TMEM131: variants seen among roughly 807,000 people sequenced by gnomAD.
TMEM131 encodes 2610524E03Rik.
A neutral mutation model predicts 211.6 loss-of-function variants in TMEM131; 66 were observed. That is an observed-to-expected ratio of 0.31 (90% CI 0.26 to 0.38). The LOEUF is 0.38. Among genes scored for constraint, TMEM131 ranks in the 10% least tolerant of loss-of-function variants. The pLI, the probability that TMEM131 is intolerant of heterozygous loss-of-function variation, is 1.00. For missense variants in TMEM131, 2,036 were observed against 2,299.3 expected, an observed-to-expected ratio of 0.89 and a Z score of 2.34; for synonymous variants, 844 against 841.3, an observed-to-expected ratio of 1.00 and a Z score of -0.06.
chr2:97,846,557 C>T (rs1683440048), intron 5 of TMEM131, among the ~76,000 whole-genome samples: 1 of 152,180 alleles, frequency 6.6e-6, no homozygotes, highest in South Asian at 2.1e-4. Flanking sequence ...AGAACACCTA[C>T]AAAAACCCTA....
intron 2 of TMEM131, among the ~76,000 whole-genome samples, chr2:97,924,715 G>A (rs556882823): frequency 4.7e-4 from 72 of 152,308 alleles, no homozygotes; most frequent in African/African-American, 1.7e-3. Flanking sequence ...CGGAGCTGGG[G>A]CTGAGATGCT....
intron 3 of TMEM131, among the ~76,000 whole-genome samples, chr2:97,898,381 C>A (rs1675707554): frequency 6.6e-6 from 1 of 152,108 alleles, no homozygotes; most frequent in African/African-American, 2.4e-5. Context: ...CCAAAATTCA[C>A]ATATTGAAGC....
chr2:97,981,813 C>A (rs972220821), intron 1 of TMEM131, among the ~76,000 whole-genome samples: 1 of 152,138 alleles, frequency 6.6e-6, no homozygotes, highest in African/African-American at 2.4e-5. Flanking sequence ...CTTATATGGT[C>A]TTTTGTGAGT....
intron 1 of TMEM131, among the ~76,000 whole-genome samples, chr2:97,938,254 A>G (rs987650111): frequency 2.0e-5 from 3 of 152,126 alleles, no homozygotes; most frequent in African/African-American, 7.2e-5. Flanking sequence ...AAGAGTCAAG[A>G]CCCATCAGTG....
At chr2:97,919,423 T>C (rs1468079419) in intron 2 of TMEM131, among the ~76,000 whole-genome samples, 7 of 152,352 alleles carry the variant, frequency 4.6e-5, no homozygotes, top group African/African-American at 1.7e-4. Context: ...TATAGAATTC[T>C]AGTTTGGCAA....
chr2:97,924,882 CT>C (rs1396674904), intron 2 of TMEM131, among the ~76,000 whole-genome samples: 1 of 152,102 alleles, frequency 6.6e-6, no homozygotes, highest in Non-Finnish European at 1.5e-5. Flanking sequence ...TCAGGGAACA[CT>C]TTTTTGTAGT....
chr2:97,958,068 C>T (rs958954621), intron 1 of TMEM131, among the ~76,000 whole-genome samples: 5 of 152,060 alleles, frequency 3.3e-5, no homozygotes, highest in African/African-American at 1.2e-4. Context: ...GGCATTCCTA[C>T]CAGAAAGCAC....
At chr2:97,951,151 T>G (rs897457371) in intron 1 of TMEM131, among the ~76,000 whole-genome samples, 1 of 151,824 alleles carries the variant, frequency 6.6e-6, no homozygotes, top group Non-Finnish European at 1.5e-5. Context: ...AAAAAAAAAA[T>G]CCCTTTAAGT....
rs76682437 is a variant in TMEM131 at position 97,818,473 on chromosome 2, C to T, written c.1183+140G>A. Reference sequence around the variant, plus strand: ...CATGATGGTTTACAGCGGGGGGGGGCGGGGGGGGATCAACCTAAGCAGTAA... The same window carrying T: ...CATGATGGTTTACAGCGGGGGGGGGTGGGGGGGGATCAACCTAAGCAGTAA... On this transcript the variant is annotated intron_variant, in intron 12 of 40. Coordinates refer to ENST00000186436, the MANE Select transcript of TMEM131 (RefSeq NM_015348.2). 3.2e-4 allele frequency: 18 copies of T among 56,084 alleles called. 1 individual carries two copies. Among genetic ancestry groups the T allele is most frequent in the Non-Finnish European group, 5.2e-4 (8 of 15,462 alleles). 3.5% of individuals were successfully genotyped at this position (56,084 alleles called of 1,614,324 possible).
intron 1 of TMEM131, among the ~76,000 whole-genome samples, chr2:97,957,118 C>T (rs897812977): frequency 3.3e-5 from 5 of 150,588 alleles, no homozygotes; most frequent in Non-Finnish European, 7.4e-5. Flanking sequence ...AAAAAGTTAT[C>T]CTACAGCAAT....
At chr2:97,888,196 G>T in intron 3 of TMEM131, 76 bp from the exon 4 acceptor site, 2 of 1,262,758 alleles carry the variant, frequency 1.6e-6, no homozygotes, top group Non-Finnish European at 2.2e-6. Flanking sequence ...TCAGACAGCT[G>T]ACTTTTGTCA....
At chr2:97,765,929 T>A (rs529843833) in intron 35 of TMEM131, among the ~76,000 whole-genome samples, 185 bp downstream of exon 35, 1 of 152,174 alleles carries the variant, frequency 6.6e-6, no homozygotes, top group South Asian at 2.1e-4. Flanking sequence ...TAAATAATCT[T>A]ACCAGGACTG....
At chr2:97,798,484 CATTAACTCAG>C (rs1680876160) in intron 25 of TMEM131, among the ~76,000 whole-genome samples, 1 of 152,246 alleles carries the variant, frequency 6.6e-6, no homozygotes, top group Non-Finnish European at 1.5e-5. Flanking sequence ...ATTCCACAAA[CATTAACTCAG>C]AGTCAACAGA....
At chr2:97,865,444 GA>G (rs1157942840) in intron 4 of TMEM131, among the ~76,000 whole-genome samples, 2 of 152,160 alleles carry the variant, frequency 1.3e-5, no homozygotes, top group Non-Finnish European at 2.9e-5. Flanking sequence ...TTATTAGGTT[GA>G]AGAAAATCCC....
At chr2:97,911,584 G>A (rs746723493) in intron 2 of TMEM131, 30 of 979,666 alleles carry the variant, frequency 3.1e-5, no homozygotes, top group Non-Finnish European at 3.6e-5. Context: ...CATGAAGACA[G>A]AATCTGACCA....
Position 97,757,171 on chromosome 2 carries a change from C to G in TMEM131, c.5580G>C (p.Arg1860=). Residue 1860 remains arginine, a synonymous_variant, in exon 41 of 41, where the codon CGG becomes CGC. Transcript: ENST00000186436. ...DDLGQTYNPW[R]IWSPTIGRRS... ...TTCTTCCAATCGTGGGGCTCCATATCCGCCACGGGTTGTAGGTCTGTCCCA... is the reference window on the plus strand; with the variant it reads ...TTCTTCCAATCGTGGGGCTCCATATGCGCCACGGGTTGTAGGTCTGTCCCA... 6.2e-7 allele frequency: 1 copy of G among 1,613,842 alleles called. No individual in the cohort carries two copies. The highest frequency in any genetic ancestry group is 8.5e-7 in the Non-Finnish European group (1 of 1,179,784).
At chr2:97,789,352 C>T (rs1680394381) in intron 31 of TMEM131, among the ~76,000 whole-genome samples, 1 of 152,240 alleles carries the variant, frequency 6.6e-6, no homozygotes, top group Non-Finnish European at 1.5e-5. Flanking sequence ...CTAACAGATG[C>T]TTCTGCTGGG....
rs750558954 is a variant in TMEM131 at position 97,762,094 on chromosome 2, G to T, written c.4830C>A (p.Ala1610=). ...PTPASPSPPA[A]PCPFVARGSY... is the part of the protein sequence containing the mutation. ...TGCCCCGGGCCACAAAGGGGCAGGG[G>T]GCAGCTGGGGGAGACGGGGAAGCAG... The change falls in exon 36 of 41, where the codon GCC becomes GCA. Residue 1610 remains alanine (A), a synonymous_variant. Transcript: ENST00000186436. 6.2e-7 allele frequency: 1 copy of T among 1,611,794 alleles called. No individual in the cohort carries two copies. The highest frequency in any genetic ancestry group is 8.5e-7 in the Non-Finnish European group (1 of 1,178,870).
At chr2:97,955,319 T>C (rs1678518270) in intron 1 of TMEM131, among the ~76,000 whole-genome samples, 1 of 152,174 alleles carries the variant, frequency 6.6e-6, no homozygotes, top group South Asian at 2.1e-4. Context: ...AAACTGGAAC[T>C]TCCTTTACTT....
Sources: allele counts gnomAD v4.1 joint callset (sites outside exome capture counted in the v4.1 genomes callset), GRCh38; gene constraint gnomAD v4.1.1; transcripts MANE v1.5; gene names NCBI Gene and HGNC (gene_info 2026-07-23, HGNC 2026-07-21).